Variants in IFT52 observed in about 807,000 individuals in gnomAD.
The protein encoded by IFT52 is intraflagellar transport 52, also known as intraflagellar transport protein 52 homolog.
Under a neutral mutation model 54.4 loss-of-function variants are expected in IFT52, and 44 were observed. That is an observed-to-expected ratio of 0.81 (90% confidence interval 0.63 to 1.04). The LOEUF is 1.04. Among genes scored for constraint, IFT52 ranks in the 50% least tolerant of loss-of-function variants. The probability of loss-of-function intolerance (pLI) is 0.00; values close to 1 mark genes in which losing one functional copy is unlikely to be tolerated. For synonymous variants in IFT52, 181 were observed against 185.3 expected (o/e 0.98, Z 0.19); for missense variants, 452 against 523.6 (o/e 0.86, Z 1.33).
At chr20:43,591,953 A>C (rs1981556389) in intron 1 of IFT52, among the ~76,000 whole-genome samples, 1 of 152,258 alleles carries the variant, frequency 6.6e-6, no homozygotes, top group Non-Finnish European at 1.5e-5. Flanking sequence ...ACTCAGAATA[A>C]GAGCGATTTA....
intron 10 of IFT52, among the ~76,000 whole-genome samples, chr20:43,630,395 G>A (rs1190764952): frequency 6.6e-6 from 1 of 152,164 alleles, no homozygotes; most frequent in African/African-American, 2.4e-5. Flanking sequence ...ATGTTTCAGA[G>A]ACTTAGACAA....
intron 3 of IFT52, among the ~76,000 whole-genome samples, chr20:43,602,135 GATTTTTATTTT>G (rs1568719784): frequency 1.9e-5 from 1 of 53,178 alleles, no homozygotes; most frequent in Non-Finnish European, 4.3e-5. Context: ...ACTTTGAGCT[GATTTTTATTTT>G]ATTTATTTAT....
rs773801892 is a variant in IFT52 at position 43,614,001 on chromosome 20, A to G, written c.612+25A>G. Reference sequence around the variant, plus strand: ...GGTACAGCTTTTCTTAGATATGGGTATAGATGTTATTTTTATTGTTGAAAT... The same window carrying G: ...GGTACAGCTTTTCTTAGATATGGGTGTAGATGTTATTTTTATTGTTGAAAT... On this transcript the variant is annotated intron_variant, in intron 7 of 13. Coordinates refer to ENST00000373030, the MANE Select transcript of IFT52 (RefSeq NM_016004.5). 63 of 1,574,874 alleles carry G rather than the reference A, an allele frequency of 4.0e-5. No homozygotes were observed. In the South Asian group the frequency reaches 6.1e-4, roughly 15 times the overall value.
rs373726921 is a variant in IFT52 at position 43,620,879 on chromosome 20, C to T, written c.722C>T (p.Thr241Met). 2.4e-5 allele frequency: 38 copies of T among 1,611,306 alleles called. No homozygotes were observed. Among genetic ancestry groups the T allele is most frequent in the African/African-American group, 1.1e-4 (8 of 74,660 alleles). ...TAGGATGTTGTTTTCCAGTGGCTCA[C>T]GACAGGAGACATCCACCTAAACCAG... ...KIMDVVFQWLTTGDIHLNQID... is the reference protein window; with the variant it reads ...KIMDVVFQWLMTGDIHLNQID... Residue 241 changes from threonine to methionine, a missense_variant, in exon 9 of 14, where the codon ACG (threonine) becomes ATG (methionine). Transcript: ENST00000373030.
chr20:43,646,794 G>T, intron 13 of IFT52, 142 bp from the exon 14 acceptor site: 1 of 713,096 alleles, frequency 1.4e-6, no homozygotes, highest in South Asian at 1.9e-5. Flanking sequence ...TCCTTGGGTT[G>T]GATTCAGCCC....
intron 1 of IFT52, among the ~76,000 whole-genome samples, chr20:43,594,034 G>A (rs1981737440): frequency 6.6e-6 from 1 of 152,128 alleles, no homozygotes; most frequent in Admixed American, 6.5e-5. Context: ...CTCGAGCTGG[G>A]TGCAGTGGCT....
intron 9 of IFT52, among the ~76,000 whole-genome samples, chr20:43,622,415 A>G (rs909269650): frequency 3.3e-5 from 5 of 149,330 alleles, no homozygotes; most frequent in African/African-American, 1.2e-4. Flanking sequence ...TGGCTCACAC[A>G]GTGAAACCCC....
intron 3 of IFT52, among the ~76,000 whole-genome samples, chr20:43,598,022 C>G (rs1982131367): frequency 6.6e-6 from 1 of 151,834 alleles, no homozygotes; most frequent in Non-Finnish European, 1.5e-5. Flanking sequence ...TTCACAATAG[C>G]CAAAAGGTGG....
intron 6 of IFT52, among the ~76,000 whole-genome samples, chr20:43,612,823 T>C (rs1393677567): frequency 6.6e-6 from 1 of 152,194 alleles, no homozygotes; most frequent in Admixed American, 6.5e-5. Flanking sequence ...GTGCTTCCCC[T>C]ATACCCCCTC....
At position 43,605,027 on chromosome 20, in the gene IFT52, G is replaced by T; in HGVS notation, c.439G>T (p.Ala147Ser). The T allele has an allele frequency of 6.2e-7, 1 of 1,613,618 alleles. No individual in the cohort carries two copies. Among genetic ancestry groups the T allele is most frequent in the Non-Finnish European group, 8.5e-7 (1 of 1,179,766 alleles). ...GGAAATTAGCCGAGCTGCAGGAAAG[G>T]CTGTGCCTGGGATCATTGATGAGGA... ...NREISRAAGK[A>S]VPGIIDEESS... Residue 147 changes from alanine to serine, a missense_variant, in exon 6 of 14, where the codon GCT becomes TCT. By Grantham distance (99) the Ala-to-Ser change is moderately conservative. Transcript: ENST00000373030.
intron 7 of IFT52, among the ~76,000 whole-genome samples, chr20:43,617,254 T>G (rs889457602): frequency 1.3e-5 from 2 of 152,214 alleles, no homozygotes; most frequent in Non-Finnish European, 2.9e-5. Flanking sequence ...ATGTTAATAG[T>G]TTCAGCAACA....
chr20:43,591,984 A>T (rs1305484669), intron 1 of IFT52, among the ~76,000 whole-genome samples: 4 of 152,254 alleles, frequency 2.6e-5, no homozygotes, highest in African/African-American at 9.6e-5. Flanking sequence ...TTTATTATAT[A>T]GGCGAGGTGG....
chr20:43,592,394 T>G (rs1373815367), intron 1 of IFT52, among the ~76,000 whole-genome samples: 3 of 151,854 alleles, frequency 2.0e-5, no homozygotes, highest in African/African-American at 4.8e-5. Flanking sequence ...CCAAATGGAC[T>G]AAAATTTAAA....
rs943342348 is a variant in IFT52 at position 43,637,235 on chromosome 20, G to A, written c.1102G>A (p.Ala368Thr). Residue 368 changes from alanine to threonine, a missense_variant, in exon 12 of 14, where the codon GCT becomes ACT. Coordinates refer to ENST00000373030, the MANE Select transcript of IFT52 (RefSeq NM_016004.5). ...ETFSSEKARLAQITNKCTEED... is the reference protein window; with the variant it reads ...ETFSSEKARLTQITNKCTEED... ...GTTCTCCTCTGAGAAGGCACGGCTG[G>A]CTCAGATTACCAATAAGTGTAAGTT... 9 of 1,571,400 alleles carry A rather than the reference G, an allele frequency of 5.7e-6. No individual in the cohort carries two copies. The highest frequency in any genetic ancestry group is 7.7e-6 in the Non-Finnish European group (9 of 1,164,808).
At chr20:43,618,648 A>ATTT (rs11471869) in intron 7 of IFT52, among the ~76,000 whole-genome samples, 21 of 150,614 alleles carry the variant, frequency 1.4e-4, no homozygotes, top group South Asian at 6.3e-4. Flanking sequence ...CACCTGGCTG[A>ATTT]TTTTTTTTTA....
At position 43,640,483 on chromosome 20, in the gene IFT52, A is replaced by T. The variant is rs141238375; in HGVS notation, c.1121-1996A>T. On this transcript the variant is annotated intron_variant, in intron 12 of 13. Transcript: ENST00000373030. ...TGAAAAAACAAAAAAGAAAATAAAA[A>T]AAATGCAGGGCATAAACTTTGATTC... is the stretch of plus-strand genomic sequence containing the variant. Among the ~76,000 whole-genome samples, 105 of 152,174 alleles carry T rather than the reference A, an allele frequency of 6.9e-4. 3 individuals carry two copies. The East Asian group carries it at 0.017, about 25-fold the overall frequency.
intron 6 of IFT52, among the ~76,000 whole-genome samples, chr20:43,605,455 G>C (rs2145602121): frequency 6.6e-6 from 1 of 152,370 alleles, no homozygotes; most frequent in East Asian, 1.9e-4. Context: ...GCTGAGACAG[G>C]AGAACTGTTT....
Position 43,617,816 on chromosome 20 carries a change from C to T in IFT52, c.613-1124C>T, listed in dbSNP as rs770124732. On this transcript the variant is annotated intron_variant, in intron 7 of 13. Coordinates refer to ENST00000373030, the MANE Select transcript of IFT52 (RefSeq NM_016004.5). ...GGAGTGCAGTGGCGCGATCTCAGCT[C>T]GCTGCAACCTCGCCTCCCAGGTTCA... 1.6e-4 allele frequency among the ~76,000 whole-genome samples: 25 copies of T among 151,804 alleles called. 1 individual carries two copies. Among genetic ancestry groups the T allele is most frequent in the Admixed American group, 1.5e-3 (23 of 15,240 alleles).
intron 10 of IFT52, among the ~76,000 whole-genome samples, chr20:43,628,799 C>T (rs1033531558): frequency 4.0e-5 from 6 of 151,544 alleles, no homozygotes; most frequent in Non-Finnish European, 8.8e-5. Context: ...TGCAGTGAGC[C>T]GAGATCGCGC....
Sources: allele counts gnomAD v4.1 joint callset (sites outside exome capture counted in the v4.1 genomes callset), GRCh38; gene constraint gnomAD v4.1.1; transcripts MANE v1.5; gene names NCBI Gene and HGNC (gene_info 2026-07-23, HGNC 2026-07-21).